COLGALT1: variants seen among roughly 807,000 people sequenced by gnomAD.
The protein encoded by COLGALT1 is procollagen galactosyltransferase 1.
Under a neutral mutation model 60.8 loss-of-function variants are expected in COLGALT1, and 43 were observed. The ratio of observed to expected loss-of-function variants is 0.71; its 90% CI spans 0.55 to 0.91. The LOEUF (loss-of-function observed/expected upper bound fraction) is 0.91, where lower values mean the gene tolerates loss of function less well. COLGALT1 is among the 40% of genes least tolerant of loss of function. COLGALT1 has a pLI of 0.00. For missense variants in COLGALT1, 845 were observed against 880.0 expected, an observed-to-expected ratio of 0.96 and a Z score of 0.50; for synonymous variants, 369 against 374.2, an observed-to-expected ratio of 0.99 and a Z score of 0.16.
At chr19:17,573,853 A>C (rs1013698131) in intron 6 of COLGALT1, among the ~76,000 whole-genome samples, 1 of 150,886 alleles carries the variant, frequency 6.6e-6, no homozygotes, top group Non-Finnish European at 1.5e-5. Context: ...GTGATGGCAC[A>C]CACCTGTGGT....
At chr19:17,569,891 CTTTT>C (rs71162156) in intron 5 of COLGALT1, among the ~76,000 whole-genome samples, 2 of 98,740 alleles carry the variant, frequency 2.0e-5, no homozygotes, top group East Asian at 2.7e-4. Flanking sequence ...CCACTAATTA[CTTTT>C]TTTTTTTTTT....
chr19:17,563,651 A>G (rs980547853), intron 3 of COLGALT1, among the ~76,000 whole-genome samples: 1 of 151,612 alleles, frequency 6.6e-6, no homozygotes, highest in Non-Finnish European at 1.5e-5. Flanking sequence ...GCCTGGCCCG[A>G]CTAATTTTTT....
chr19:17,568,847 T>A, intron 5 of COLGALT1, 134 bp downstream of exon 5: 1 of 807,002 alleles, frequency 1.2e-6, no homozygotes, highest in Non-Finnish European at 2.0e-6. Flanking sequence ...CAGGTGCAGC[T>A]GTATCTAGGT....
At chr19:17,569,891 C>CCTTTTTTTTTTTTTTTT (rs749016124) in intron 5 of COLGALT1, among the ~76,000 whole-genome samples, 1 of 98,732 alleles carries the variant, frequency 1.0e-5, no homozygotes, top group Non-Finnish European at 1.9e-5. Context: ...CCACTAATTA[C>CCTTTTTTTTTTTTTTTT]TTTTTTTTTT....
At position 17,579,539 on chromosome 19, in the gene COLGALT1, A is replaced by G; in HGVS notation, c.1324A>G (p.Ile442Val). 1.9e-6 allele frequency: 3 copies of G among 1,613,786 alleles called. No homozygotes were observed. The highest frequency in any genetic ancestry group is 2.5e-6 in the Non-Finnish European group (3 of 1,179,994). ...LVFEDDLRFE[I>V]FFKRRLMNLM... ...GTTTGAGGATGACCTGCGTTTTGAG[A>G]TCTTCTTCAAGAGACGTCTGATGAA... Residue 442 changes from isoleucine (I) to valine (V), a missense_variant, in exon 10 of 12, where the codon ATC (isoleucine) becomes GTC (valine). Coordinates refer to ENST00000252599, the MANE Select transcript of COLGALT1 (RefSeq NM_024656.4).
intron 5 of COLGALT1, among the ~76,000 whole-genome samples, chr19:17,571,106 A>G (rs2076310038): frequency 6.6e-6 from 1 of 152,108 alleles, no homozygotes; most frequent in Non-Finnish European, 1.5e-5. Flanking sequence ...GGCCCTTTAT[A>G]GAAGAAATTG....
chr19:17,563,336 G>T (rs2076260417), intron 3 of COLGALT1, among the ~76,000 whole-genome samples: 1 of 148,986 alleles, frequency 6.7e-6, no homozygotes, highest in Non-Finnish European at 1.5e-5. Context: ...GACTACAGAT[G>T]CTTGCCACCA....
Position 17,578,016 on chromosome 19 carries a change from A to G in COLGALT1, c.1193A>G (p.Asp398Gly), listed in dbSNP as rs1599794881. Reference protein sequence around the residue: ...LGIQMLPGYRDPYHGRPLTKG... With the variant: ...LGIQMLPGYRGPYHGRPLTKG... ...ATCCAGATGCTGCCTGGCTACCGGGACCCCTACCACGGCCGGCCCCTCACC... is the reference window on the plus strand; with the variant it reads ...ATCCAGATGCTGCCTGGCTACCGGGGCCCCTACCACGGCCGGCCCCTCACC... Residue 398 changes from aspartate (D) to glycine (G), a missense_variant, in exon 9 of 12, where the codon GAC (aspartate) becomes GGC (glycine). Physicochemically the swap from Asp to Gly is moderately conservative, Grantham distance 94. Transcript: ENST00000252599. The G allele has an allele frequency of 6.2e-7, 1 of 1,612,448 alleles. No homozygotes were observed. The highest frequency in any genetic ancestry group is 8.5e-7 in the Non-Finnish European group (1 of 1,179,496).
chr19:17,571,784 A>G (rs1306588856), intron 5 of COLGALT1: 1 of 152,130 alleles, frequency 6.6e-6, no homozygotes, highest in Non-Finnish European at 1.5e-5. Context: ...GAAGGAAGTA[A>G]CTTAACTCAC....
chr19:17,567,543 A>G lies in COLGALT1; in HGVS notation c.624+3A>G. 2 of 1,611,986 alleles carry G rather than the reference A, an allele frequency of 1.2e-6. No homozygotes were observed. The highest frequency in any genetic ancestry group is 1.7e-6 in the Non-Finnish European group (2 of 1,179,010). ...TCTGGTGTGGAATGACTTCCCAGGT[A>G]GAGTGAGGGCCTGGGGACTGTGGGG... is the stretch of plus-strand genomic sequence containing the variant. On this transcript the variant is annotated splice_donor_region_variant and intron_variant, in intron 4 of 11. Coordinates refer to ENST00000252599, the MANE Select transcript of COLGALT1 (RefSeq NM_024656.4).
Position 17,580,827 on chromosome 19 carries a change from A to G in COLGALT1, c.1523A>G (p.Lys508Arg), listed in dbSNP as rs200075346. 1.4e-4 allele frequency: 233 copies of G among 1,613,666 alleles called. No individual in the cohort carries two copies. Among genetic ancestry groups the G allele is most frequent in the Non-Finnish European group, 1.8e-4 (217 of 1,179,966 alleles). Reference sequence around the variant, plus strand: ...GTGATCTCCCTGCAAGGCGCCCGCAAACTGCTGGCTGCTGAGCCGCTCTCC... The same window carrying G: ...GTGATCTCCCTGCAAGGCGCCCGCAGACTGCTGGCTGCTGAGCCGCTCTCC... ...AYVISLQGAR[K>R]LLAAEPLSKM... Residue 508 changes from lysine (K) to arginine (R), a missense_variant, in exon 11 of 12, where the codon AAA (lysine) becomes AGA (arginine). Coordinates refer to ENST00000252599, the MANE Select transcript of COLGALT1 (RefSeq NM_024656.4).
At chr19:17,563,711 G>A (rs1162999509) in intron 3 of COLGALT1, among the ~76,000 whole-genome samples, 1 of 151,900 alleles carries the variant, frequency 6.6e-6, no homozygotes, top group Non-Finnish European at 1.5e-5. Flanking sequence ...GGCTGATCTC[G>A]AACTCCTGAC....
intron 10 of COLGALT1, chr19:17,580,280 T>C (rs1021581046): frequency 8.5e-6 from 2 of 236,362 alleles, no homozygotes; most frequent in Non-Finnish European, 1.7e-5. Context: ...CTCCATCTCT[T>C]TTTTCCCTTC....
At chr19:17,570,137 C>G (rs568317517) in intron 5 of COLGALT1, among the ~76,000 whole-genome samples, 2 of 152,276 alleles carry the variant, frequency 1.3e-5, no homozygotes, top group African/African-American at 4.8e-5. Context: ...TTGTGATCTG[C>G]CCACCTCGGC....
intron 1 of COLGALT1, among the ~76,000 whole-genome samples, chr19:17,556,878 A>G (rs1286248653): frequency 6.6e-6 from 1 of 152,132 alleles, no homozygotes; most frequent in African/African-American, 2.4e-5. Context: ...GCACCACTGC[A>G]CTCCAGCCTG....
At chr19:17,557,758 C>T (rs964290134) in intron 1 of COLGALT1, among the ~76,000 whole-genome samples, 31 of 152,214 alleles carry the variant, frequency 2.0e-4, no homozygotes, top group African/African-American at 4.3e-4. Flanking sequence ...TATGCCACTG[C>T]GCCCAGCTAA....
rs1343562593 is a variant in COLGALT1 at position 17,582,204 on chromosome 19, C to T, written c.*760C>T. ...GGTTACAGGCATGAGCCACTGTGCCCAGCCCAGGCTCTGGGAATATTGAGA... is the reference window on the plus strand; with the variant it reads ...GGTTACAGGCATGAGCCACTGTGCCTAGCCCAGGCTCTGGGAATATTGAGA... On this transcript the variant is annotated 3_prime_UTR_variant, in exon 12 of 12. Coordinates refer to ENST00000252599, the MANE Select transcript of COLGALT1 (RefSeq NM_024656.4). 1 of 152,204 alleles carries T rather than the reference C, an allele frequency of 6.6e-6. No homozygotes were observed. Among genetic ancestry groups the T allele is most frequent in the South Asian group, 2.1e-4 (1 of 4,826 alleles). 9.4% of individuals were successfully genotyped at this position (152,204 alleles called of 1,614,324 possible). A position where few individuals can be genotyped will look rare whatever the true frequency, so the allele number is the denominator to read the frequency against.
intron 1 of COLGALT1, among the ~76,000 whole-genome samples, chr19:17,557,079 CTTAAT>C (rs1398967075): frequency 4.6e-5 from 7 of 152,020 alleles, no homozygotes; most frequent in African/African-American, 1.7e-4. Flanking sequence ...TTATTGTCAA[CTTAAT>C]TTATTGGGCA....
chr19:17,555,673 T>G lies in COLGALT1; in HGVS notation c.-41T>G. On this transcript the variant is annotated 5_prime_UTR_variant, in exon 1 of 12. Coordinates refer to ENST00000252599, the MANE Select transcript of COLGALT1 (RefSeq NM_024656.4). ...TGACCCCTTTAAGGCGCGGCCAGAGTCCTCCCGCAGAAAAACGACTTAAAG... is the reference window on the plus strand; with the variant it reads ...TGACCCCTTTAAGGCGCGGCCAGAGGCCTCCCGCAGAAAAACGACTTAAAG... The G allele has an allele frequency of 8.5e-7, 1 of 1,174,192 alleles. No individual in the cohort carries two copies. Among genetic ancestry groups the G allele is most frequent in the Non-Finnish European group, 1.1e-6 (1 of 951,870 alleles). The allele number at this position is 1,174,192 out of a possible 1,614,324, so 72.7% of individuals were successfully genotyped here. A position where few individuals can be genotyped will look rare whatever the true frequency, so the allele number is the denominator to read the frequency against.
Sources: gnomAD v4.1 joint callset for allele counts (sites outside exome capture counted in the v4.1 genomes callset) on GRCh38, gnomAD v4.1.1 for gene constraint, MANE v1.5 for transcripts, NCBI Gene and HGNC (gene_info 2026-07-23, HGNC 2026-07-21) for gene names.